Variants in CCDC178 observed in about 807,000 individuals in gnomAD.
The protein encoded by CCDC178 is coiled-coil domain-containing protein 178.
In CCDC178, 126 loss-of-function variants were observed where a neutral mutation model predicts 117.4. The observed-to-expected ratio is 1.07, with a 90% confidence interval of 0.93 to 1.24. CCDC178 has a LOEUF of 1.24. Ranked by LOEUF, CCDC178 falls within the 50% of genes most tolerant of loss-of-function variation. The pLI is 0.00. For missense variants in CCDC178, 1,030 were observed against 986.9 expected (o/e 1.04, Z -0.59); for synonymous variants, 283 against 313.4 (o/e 0.90, Z 1.02).
intron 14 of CCDC178, among the ~76,000 whole-genome samples, chr18:33,250,095 T>G (rs2059602187): frequency 6.6e-6 from 1 of 151,754 alleles, no homozygotes; most frequent in Admixed American, 6.6e-5. Context: ...AAGAATCATT[T>G]TAGCCACTGG....
chr18:33,322,384 A>T (rs1025997624), intron 11 of CCDC178, among the ~76,000 whole-genome samples: 2 of 151,858 alleles, frequency 1.3e-5, no homozygotes, highest in African/African-American at 2.4e-5. Context: ...ATGCTTAGTA[A>T]ACTTGATCTA....
At chr18:33,192,932 TTCTC>T (rs1325441886) in intron 20 of CCDC178, among the ~76,000 whole-genome samples, 8 of 135,494 alleles carry the variant, frequency 5.9e-5, no homozygotes, top group African/African-American at 1.6e-4. Context: ...GAAGAAAAAA[TTCTC>T]TCTAAGACTC....
chr18:33,352,281 A>G (rs1302537595), intron 7 of CCDC178, among the ~76,000 whole-genome samples: 1 of 151,804 alleles, frequency 6.6e-6, no homozygotes, highest in East Asian at 1.9e-4. Flanking sequence ...CAGTTTTTAT[A>G]TTATTTTAGT....
At chr18:33,169,835 T>C (rs11877493) in intron 20 of CCDC178, among the ~76,000 whole-genome samples, 5,920 of 152,244 alleles carry the variant, frequency 0.039, 384 homozygotes, top group African/African-American at 0.13. Flanking sequence ...AATTATTGAA[T>C]GTGACTTGGT....
intron 2 of CCDC178, among the ~76,000 whole-genome samples, chr18:33,424,038 A>C (rs2064075557): frequency 6.6e-6 from 1 of 152,184 alleles, no homozygotes; most frequent in South Asian, 2.1e-4. Flanking sequence ...TTCTCATGAA[A>C]ATATTGTTTA....
At chr18:33,053,698 T>C (rs1036644087) in intron 21 of CCDC178, among the ~76,000 whole-genome samples, 1 of 152,064 alleles carries the variant, frequency 6.6e-6, no homozygotes, top group African/African-American at 2.4e-5. Flanking sequence ...TATATACAAA[T>C]GAAACAACCT....
chr18:33,087,566 T>TTGTGTGTG (rs57033642), intron 21 of CCDC178, among the ~76,000 whole-genome samples: 5,426 of 146,022 alleles, frequency 0.037, 101 homozygotes, highest in Middle Eastern at 0.062. Context: ...CCAAAGCCAT[T>TTGTGTGTG]TGTGTGTGTG....
chr18:33,150,213 T>C (rs1406650068), intron 20 of CCDC178, among the ~76,000 whole-genome samples: 2 of 152,136 alleles, frequency 1.3e-5, no homozygotes, highest in Non-Finnish European at 2.9e-5. Flanking sequence ...GATCACCATC[T>C]CCCACCTTAT....
rs1012470254 is a variant in CCDC178, at chr18:33,365,647, ATTG to A, written c.348+4400_348+4402del. On this transcript the variant is annotated intron_variant, in intron 6 of 22. Coordinates refer to ENST00000383096, the MANE Select transcript of CCDC178 (RefSeq NM_001105528.4). ...TGATGTTATTAATTTTGTACAATATATTGTTAACATTTTAAAGAATGTTTTTTA... is the reference window on the plus strand; with the variant it reads ...TGATGTTATTAATTTTGTACAATATATTAACATTTTAAAGAATGTTTTTTA... Among the ~76,000 whole-genome samples the A allele has an allele frequency of 5.3e-5, 8 of 152,166 alleles. No individual in the cohort carries two copies. The East Asian group carries it at 1.5e-3, about 29-fold the overall frequency.
chr18:33,137,216 A>T (rs2058139596), intron 20 of CCDC178, among the ~76,000 whole-genome samples: 3 of 152,222 alleles, frequency 2.0e-5, no homozygotes, highest in Admixed American at 1.3e-4. Context: ...TAATTTATTC[A>T]GTTCATTCAC....
At chr18:33,149,834 A>T (rs1035561771) in intron 20 of CCDC178, among the ~76,000 whole-genome samples, 1 of 152,206 alleles carries the variant, frequency 6.6e-6, no homozygotes, top group African/African-American at 2.4e-5. Context: ...TCTACAGTGA[A>T]GATTAACAGT....
chr18:33,400,880 C>T (rs1398941421), intron 3 of CCDC178, among the ~76,000 whole-genome samples: 1 of 152,180 alleles, frequency 6.6e-6, no homozygotes, highest in African/African-American at 2.4e-5. Context: ...GCCTTTCTCA[C>T]TAAGTTTAAT....
At chr18:33,145,216 C>T (rs919467000) in intron 20 of CCDC178, among the ~76,000 whole-genome samples, 17 of 152,116 alleles carry the variant, frequency 1.1e-4, no homozygotes. Context: ...CCACCTGGTT[C>T]CTTTTACCAA....
At position 33,417,937 on chromosome 18, in the gene CCDC178, C is replaced by T. The variant is rs572659003; in HGVS notation, c.-22-5827G>A. 1.6e-4 allele frequency among the ~76,000 whole-genome samples: 25 copies of T among 152,170 alleles called. No homozygotes were observed. In the East Asian group the frequency reaches 4.7e-3, roughly 28 times the overall value. ...ATACAAAGAAGAGCTGGTACCATTC[C>T]TACTGAAATTATTCCAAAAAACTGA... On this transcript the variant is annotated intron_variant, in intron 2 of 22. Coordinates refer to ENST00000383096, the MANE Select transcript of CCDC178 (RefSeq NM_001105528.4).
chr18:33,235,216 C>T (rs374665410), intron 15 of CCDC178, among the ~76,000 whole-genome samples: 29 of 152,132 alleles, frequency 1.9e-4, no homozygotes, highest in African/African-American at 7.0e-4. Context: ...TAAAGTTATG[C>T]ACCAGATTAC....
intron 21 of CCDC178, among the ~76,000 whole-genome samples, chr18:33,031,970 T>C (rs2056353100): frequency 3.3e-5 from 5 of 152,072 alleles, no homozygotes; most frequent in Non-Finnish European, 7.4e-5. Context: ...ATTAATATAA[T>C]GTTGAGTGGA....
chr18:33,022,123 C>T (rs900858553), intron 21 of CCDC178, among the ~76,000 whole-genome samples: 13 of 152,090 alleles, frequency 8.5e-5, no homozygotes, highest in Admixed American at 6.6e-4. Context: ...CTAGTATTCT[C>T]ATAAAGGAGG....
chr18:33,077,410 T>G (rs1412105112), intron 21 of CCDC178, among the ~76,000 whole-genome samples: 1 of 152,182 alleles, frequency 6.6e-6, no homozygotes, highest in Non-Finnish European at 1.5e-5. Context: ...GGATCTTTAC[T>G]GAGGTAGCTG....
At chr18:33,381,610 CT>C (rs770077404) in intron 5 of CCDC178, among the ~76,000 whole-genome samples, 6 of 152,008 alleles carry the variant, frequency 3.9e-5, no homozygotes, top group East Asian at 1.9e-4. Flanking sequence ...TTATCCTCAC[CT>C]TTTTTTTCCA....
Sources: allele counts gnomAD v4.1 joint callset (sites outside exome capture counted in the v4.1 genomes callset), GRCh38; gene constraint gnomAD v4.1.1; transcripts MANE v1.5; gene names NCBI Gene and HGNC (gene_info 2026-07-23, HGNC 2026-07-21).